GALNT13: variants seen among roughly 807,000 people sequenced by gnomAD.
GALNT13 encodes UDP-GalNAc:polypeptide N-acetylgalactosaminyltransferase 13.
A neutral mutation model predicts 64.2 loss-of-function variants in GALNT13; 28 were observed. The ratio of observed to expected loss-of-function variants is 0.44; its 90% CI spans 0.32 to 0.60. The LOEUF (loss-of-function observed/expected upper bound fraction) is 0.60, where lower values mean the gene tolerates loss of function less well. Among genes scored for constraint, GALNT13 ranks in the 20% least tolerant of loss-of-function variants. GALNT13 has a pLI of 0.05. For synonymous variants in GALNT13, 214 were observed against 224.6 expected, an observed-to-expected ratio of 0.95 and a Z score of 0.42; for missense variants, 577 against 669.8, an observed-to-expected ratio of 0.86 and a Z score of 1.53.
chr2:153,107,970 T>C, the GALNT13 span, among the ~76,000 whole-genome samples: 1 of 152,178 alleles, frequency 6.6e-6, no homozygotes, highest in South Asian at 2.1e-4. Context: ...TCTGCTTCCC[T>C]GGGTTCAAGC....
chr2:153,775,241 A>G, the GALNT13 span, among the ~76,000 whole-genome samples: 1 of 152,152 alleles, frequency 6.6e-6, no homozygotes, highest in Non-Finnish European at 1.5e-5. Context: ...ATAGATCACA[A>G]ATGCTTTCAC....
At chr2:153,138,034 T>C in the GALNT13 span, among the ~76,000 whole-genome samples, 1 of 152,140 alleles carries the variant, frequency 6.6e-6, no homozygotes, top group African/African-American at 2.4e-5. Flanking sequence ...TGTGCCAGAC[T>C]CTGTTTTCAG....
At chr2:153,528,852 A>G in the GALNT13 span, among the ~76,000 whole-genome samples, 1 of 152,018 alleles carries the variant, frequency 6.6e-6, no homozygotes, top group Admixed American at 6.5e-5. Flanking sequence ...TAAGAAGGAA[A>G]TTGAAAATTT....
Position 154,451,238 on chromosome 2 carries a change from G to A in GALNT13, c.*687G>A, listed in dbSNP as rs1457270848. On this transcript the variant is annotated 3_prime_UTR_variant, in exon 13 of 13. Transcript: ENST00000392825. Reference sequence around the variant, plus strand: ...GAGGGGAACAAGATGAGTCTAATCCGCAGCACTTCGATCACTGTGAGAGAA... The same window carrying A: ...GAGGGGAACAAGATGAGTCTAATCCACAGCACTTCGATCACTGTGAGAGAA... 1 of 152,080 alleles carries A rather than the reference G, an allele frequency of 6.6e-6. No individual in the cohort carries two copies. Among genetic ancestry groups the A allele is most frequent in the East Asian group, 1.9e-4 (1 of 5,182 alleles). 9.4% of individuals were successfully genotyped at this position (152,080 alleles called of 1,614,324 possible). A position where few individuals can be genotyped will look rare whatever the true frequency, so the allele number is the denominator to read the frequency against.
chr2:153,689,252 G>A, the GALNT13 span, among the ~76,000 whole-genome samples: 2 of 151,934 alleles, frequency 1.3e-5, no homozygotes, highest in African/African-American at 2.4e-5. Flanking sequence ...AGATGTGTAT[G>A]TCGAATAATA....
At chr2:153,885,366 C>A (rs1687100493) in intron 1 of GALNT13, among the ~76,000 whole-genome samples, 1 of 151,886 alleles carries the variant, frequency 6.6e-6, no homozygotes, top group African/African-American at 2.4e-5. Flanking sequence ...AATCATACAT[C>A]TTTAGTTTTA....
chr2:153,391,815 A>G, the GALNT13 span, among the ~76,000 whole-genome samples: 1 of 151,780 alleles, frequency 6.6e-6, no homozygotes, highest in Non-Finnish European at 1.5e-5. Flanking sequence ...CTTTCAGTGC[A>G]CTCATTTTAG....
intron 9 of GALNT13, among the ~76,000 whole-genome samples, chr2:154,351,458 C>T (rs1393318484): frequency 2.6e-5 from 4 of 151,612 alleles, no homozygotes; most frequent in East Asian, 1.9e-4. Flanking sequence ...CCGAGACAGG[C>T]GGATCACGAG....
the GALNT13 span, among the ~76,000 whole-genome samples, chr2:153,097,154 C>G: frequency 1.3e-5 from 2 of 152,082 alleles, no homozygotes; most frequent in Non-Finnish European, 2.9e-5. Flanking sequence ...AATAAAAACT[C>G]TATGCCTTAA....
At chr2:154,304,945 T>C (rs1693648949) in intron 9 of GALNT13, among the ~76,000 whole-genome samples, 1 of 152,042 alleles carries the variant, frequency 6.6e-6, no homozygotes, top group Non-Finnish European at 1.5e-5. Flanking sequence ...CCACCAGCAA[T>C]AGTGTGGGCA....
chr2:154,145,642 G>A (rs1683547179), intron 4 of GALNT13, among the ~76,000 whole-genome samples: 1 of 151,832 alleles, frequency 6.6e-6, no homozygotes. Context: ...TCTTACATAT[G>A]CACACTTTCA....
the GALNT13 span, among the ~76,000 whole-genome samples, chr2:153,785,278 G>T: frequency 4.3e-3 from 652 of 152,180 alleles, 5 homozygotes; most frequent in African/African-American, 0.014. Context: ...TCTCCTCACT[G>T]GGTGGGACCT....
the GALNT13 span, among the ~76,000 whole-genome samples, chr2:153,735,089 C>A: frequency 2.6e-5 from 4 of 152,128 alleles, no homozygotes; most frequent in Non-Finnish European, 5.9e-5. Context: ...TGCAGGGCTT[C>A]CACTCTGCAG....
At chr2:154,206,842 A>T (rs992522976) in intron 4 of GALNT13, among the ~76,000 whole-genome samples, 2 of 151,964 alleles carry the variant, frequency 1.3e-5, no homozygotes, top group African/African-American at 4.8e-5. Flanking sequence ...TTAAGGAATA[A>T]GTCTAAGGTC....
At chr2:153,385,136 A>C in the GALNT13 span, among the ~76,000 whole-genome samples, 1 of 152,218 alleles carries the variant, frequency 6.6e-6, no homozygotes, top group East Asian at 1.9e-4. Flanking sequence ...AGGTTCCTCA[A>C]AAAGTTAAAA....
chr2:154,223,379 C>G (rs1192869117), intron 4 of GALNT13, among the ~76,000 whole-genome samples: 2 of 150,380 alleles, frequency 1.3e-5, no homozygotes, highest in Non-Finnish European at 3.0e-5. Context: ...TTACTTTTCA[C>G]TATGTTATTG....
chr2:154,352,649 A>G (rs566138377), intron 9 of GALNT13, among the ~76,000 whole-genome samples: 4 of 152,242 alleles, frequency 2.6e-5, no homozygotes, highest in Non-Finnish European at 5.9e-5. Context: ...TCCATAGCTC[A>G]TAACTTGCCA....
At chr2:153,444,257 T>C in the GALNT13 span, among the ~76,000 whole-genome samples, 2 of 152,202 alleles carry the variant, frequency 1.3e-5, no homozygotes, top group African/African-American at 4.8e-5. Context: ...TGATAGTTAA[T>C]GTTTATCTCC....
chr2:153,757,495 T>C, the GALNT13 span, among the ~76,000 whole-genome samples: 3 of 152,198 alleles, frequency 2.0e-5, no homozygotes, highest in African/African-American at 7.2e-5. Flanking sequence ...CTCCTTGACA[T>C]ATTGATTTCA....
Sources: allele counts gnomAD v4.1 joint callset (sites outside exome capture counted in the v4.1 genomes callset), GRCh38; gene constraint gnomAD v4.1.1; transcripts MANE v1.5; gene names NCBI Gene and HGNC (gene_info 2026-07-23, HGNC 2026-07-21).